Variants in TMEM272 observed in about 807,000 individuals in gnomAD.
TMEM272 encodes transmembrane protein 272.
Under a neutral mutation model 3.7 loss-of-function variants are expected in TMEM272, and 8 were observed. The ratio of observed to expected loss-of-function variants is 2.17; its 90% confidence interval spans 1.27 to 3.91. The LOEUF (loss-of-function observed/expected upper bound fraction) is 3.91. Ranked by LOEUF, TMEM272 falls within the 30% of genes most tolerant of loss-of-function variation. The pLI is 0.00. For synonymous variants in TMEM272, 63 were observed against 39.8 expected, an observed-to-expected ratio of 1.58 and a Z score of -2.20; for missense variants, 166 against 91.5, an observed-to-expected ratio of 1.81 and a Z score of -3.32.
At chr13:51,844,841 TGAA>T (rs1484241614) in intron 1 of TMEM272, among the ~76,000 whole-genome samples, 172 bp downstream of exon 1, 1 of 152,220 alleles carries the variant, frequency 6.6e-6, no homozygotes, top group Non-Finnish European at 1.5e-5. Context: ...TTAGACTCAG[TGAA>T]GATTGTTTTC....
chr13:51,816,190 GAT>G lies in TMEM272; in HGVS notation c.*559_*560del. 1 of 154,924 alleles carries G rather than the reference GAT, an allele frequency of 6.5e-6. No homozygotes were observed. The highest frequency in any genetic ancestry group is 1.4e-5 in the Non-Finnish European group (1 of 69,698). 9.6% of individuals were successfully genotyped at this position (154,924 alleles called of 1,614,324 possible). A position where few individuals can be genotyped will look rare whatever the true frequency, so the allele number is the denominator to read the frequency against. On this transcript the variant is annotated 3_prime_UTR_variant, in exon 5 of 5. Transcript: ENST00000629372. ...TCCACCCATCACGTCAAACCTATCTGATATAGGGCTGGAAGAGACTGCTCCTT... is the reference window on the plus strand; with the variant it reads ...TCCACCCATCACGTCAAACCTATCTGATAGGGCTGGAAGAGACTGCTCCTT...
the TMEM272 span, chr13:51,909,671 A>C: frequency 2.6e-5 from 40 of 1,536,500 alleles, no homozygotes; most frequent in Admixed American, 2.4e-4. Context: ...TAGCAGCATG[A>C]ATCAGTTTCT....
the TMEM272 span, chr13:51,865,366 C>A: frequency 6.4e-7 from 1 of 1,567,502 alleles, no homozygotes; most frequent in Non-Finnish European, 8.6e-7. Context: ...GGCCAAGGGT[C>A]CTGTCATCCC....
rs1041497608 is a variant in TMEM272, at chr13:51,838,507, C to G, written c.24G>C (p.Thr8=). ...CGATTTTAGAAATGCACTGATGACA[C>G]GTTTTCTCCAGACCTCCTGGCATTG... MPGGLEK[T]CHQCISKIAS... is the part of the protein sequence containing the mutation. The change falls in exon 2 of 5, where the codon ACG becomes ACC. Residue 8 remains threonine, a synonymous_variant. Transcript: ENST00000629372. 6 of 702,906 alleles carry G rather than the reference C, an allele frequency of 8.5e-6. No homozygotes were observed. The African/African-American group carries it at 8.7e-5, about 10-fold the overall frequency. 43.5% of individuals were successfully genotyped at this position (702,906 alleles called of 1,614,324 possible). A position where few individuals can be genotyped will look rare whatever the true frequency, so the allele number is the denominator to read the frequency against.
chr13:51,836,252 G>A (rs1956215539), intron 2 of TMEM272, among the ~76,000 whole-genome samples: 1 of 152,140 alleles, frequency 6.6e-6, no homozygotes, highest in Non-Finnish European at 1.5e-5. Flanking sequence ...GATGACACAA[G>A]AAGGCCCTCC....
intron 4 of TMEM272, among the ~76,000 whole-genome samples, chr13:51,818,130 CT>C (rs528805903): frequency 1.2e-3 from 188 of 152,306 alleles, no homozygotes; most frequent in African/African-American, 4.4e-3. Context: ...CATGGCACCC[CT>C]AACCCTGGAG....
chr13:51,926,150 T>C, the TMEM272 span, among the ~76,000 whole-genome samples: 28 of 151,696 alleles, frequency 1.8e-4, no homozygotes, highest in African/African-American at 6.8e-4. Flanking sequence ...TGGTATGTGG[T>C]GTGTGTGGTG....
upstream of TMEM272, among the ~76,000 whole-genome samples, chr13:51,848,976 T>G (rs762740030): frequency 6.6e-6 from 1 of 152,204 alleles, no homozygotes; most frequent in African/African-American, 2.4e-5. Context: ...TTACCATCTA[T>G]TCATCCTGAC....
intron 2 of TMEM272, among the ~76,000 whole-genome samples, chr13:51,834,351 C>T (rs2139576060): frequency 6.6e-6 from 1 of 152,240 alleles, no homozygotes. Context: ...CTGCCCCAGA[C>T]CCCCAAAAGA....
the TMEM272 span, among the ~76,000 whole-genome samples, chr13:51,912,861 A>G: frequency 6.6e-6 from 1 of 152,260 alleles, no homozygotes; most frequent in Non-Finnish European, 1.5e-5. Flanking sequence ...AGCAGAAAAA[A>G]TACTTAGGAA....
chr13:51,909,764 C>T, the TMEM272 span: 14 of 1,566,128 alleles, frequency 8.9e-6, no homozygotes, highest in Admixed American at 3.4e-5. Flanking sequence ...TACCATCATC[C>T]GTTATGTCTT....
chr13:51,817,546 G>A (rs1395686143), intron 4 of TMEM272, among the ~76,000 whole-genome samples: 1 of 152,194 alleles, frequency 6.6e-6, no homozygotes, highest in African/African-American at 2.4e-5. Context: ...TGTCTTGGGA[G>A]GAACCCCTAG....
At chr13:51,819,495 G>A (rs763477948) in intron 4 of TMEM272, among the ~76,000 whole-genome samples, 21 of 152,188 alleles carry the variant, frequency 1.4e-4, no homozygotes, top group Non-Finnish European at 2.9e-4. Context: ...ATGATGCCAG[G>A]AGAAAGGAAC....
chr13:51,932,197 G>A, the TMEM272 span, among the ~76,000 whole-genome samples: 1 of 151,958 alleles, frequency 6.6e-6, no homozygotes, highest in Non-Finnish European at 1.5e-5. Flanking sequence ...ACACCCCCCG[G>A]CCACCCCAAG....
chr13:51,862,675 G>A, the TMEM272 span, among the ~76,000 whole-genome samples: 1 of 152,148 alleles, frequency 6.6e-6, no homozygotes, highest in African/African-American at 2.4e-5. Flanking sequence ...GAGATGGCCT[G>A]GAGGAGGTAT....
chr13:51,876,681 TG>T, the TMEM272 span, among the ~76,000 whole-genome samples: 4 of 152,320 alleles, frequency 2.6e-5, no homozygotes, highest in East Asian at 7.7e-4. Context: ...ATAGAGGGTC[TG>T]GAAAATCAAT....
chr13:51,827,390 A>C (rs1956135401), intron 2 of TMEM272, among the ~76,000 whole-genome samples: 1 of 152,188 alleles, frequency 6.6e-6, no homozygotes, highest in South Asian at 2.1e-4. Context: ...ATGTATGCAC[A>C]AGGACCTCAG....
At chr13:51,888,188 G>A in the TMEM272 span, among the ~76,000 whole-genome samples, 1 of 151,676 alleles carries the variant, frequency 6.6e-6, no homozygotes, top group Non-Finnish European at 1.5e-5. Context: ...TGGGATTACA[G>A]GCACCCACCA....
At chr13:51,919,939 AAAGGAAGGAAGGAAAGGAAG>A in the TMEM272 span, among the ~76,000 whole-genome samples, 1 of 152,178 alleles carries the variant, frequency 6.6e-6, no homozygotes, top group Non-Finnish European at 1.5e-5. Flanking sequence ...ATGAAGGAGA[AAAGGAAGGAAGGAAAGGAAG>A]AAGGAAGGAA....
Sources: gnomAD v4.1 joint callset for allele counts (sites outside exome capture counted in the v4.1 genomes callset) on GRCh38, gnomAD v4.1.1 for gene constraint, MANE v1.5 for transcripts, NCBI Gene and HGNC (gene_info 2026-07-23, HGNC 2026-07-21) for gene names.